The following NPC1 variants were observed in gnomAD, a reference collection of about 807,000 sequenced individuals.
NPC1 encodes the protein NPC intracellular cholesterol transporter 1, also known as Niemann-Pick C1 protein.
In NPC1, 85 loss-of-function variants were observed where a neutral mutation model predicts 140.4. That is an observed-to-expected ratio of 0.61 (90% CI 0.51 to 0.72). The LOEUF (loss-of-function observed/expected upper bound fraction) is 0.72. NPC1 is among the 30% of genes least tolerant of loss of function. The pLI, the probability that NPC1 is intolerant of heterozygous loss-of-function variation, is 0.00. For missense variants in NPC1, 1,504 were observed against 1,623.8 expected, an observed-to-expected ratio of 0.93 and a Z score of 1.27; for synonymous variants, 656 against 624.8, an observed-to-expected ratio of 1.05 and a Z score of -0.74.
At chr18:23,515,235 A>T (rs985400880) in intron 3 of NPC1, among the ~76,000 whole-genome samples, 1 of 152,168 alleles carries the variant, frequency 6.6e-6, no homozygotes, top group Non-Finnish European at 1.5e-5. Context: ...AGGCACAGAT[A>T]AGGATTTTGG....
intron 1 of NPC1, 31 bp downstream of exon 1, chr18:23,586,256 C>G: frequency 6.5e-7 from 1 of 1,531,090 alleles, no homozygotes; most frequent in Non-Finnish European, 8.7e-7. Context: ...CACGTCCCCA[C>G]AGGGCGTCCC....
chr18:23,529,730 G>A (rs753931659), downstream of NPC1: 4 of 1,600,452 alleles, frequency 2.5e-6, no homozygotes, highest in Middle Eastern at 1.7e-4. Flanking sequence ...CAAATCATCT[G>A]GGCCCAAGTT....
intron 20 of NPC1, among the ~76,000 whole-genome samples, 196 bp from the exon 21 acceptor site, chr18:23,537,072 T>C (rs2058642522): frequency 6.7e-6 from 1 of 148,950 alleles, no homozygotes; most frequent in Non-Finnish European, 1.5e-5. Context: ...ACTGGCTTCT[T>C]TTTTTTTTTA....
intron 3 of NPC1, among the ~76,000 whole-genome samples, chr18:23,515,213 C>G (rs918363018): frequency 2.6e-5 from 4 of 152,066 alleles, no homozygotes; most frequent in African/African-American, 9.7e-5. Flanking sequence ...CTCCACATGC[C>G]CAGGCATGTG....
Position 23,556,413 on chromosome 18 carries a change from T to C in NPC1, c.1156A>G (p.Ser386Gly), listed in dbSNP as rs1192824648. ...TACTCTTTTTCCAGGCGAGCCTGGCTGCTGGGGGCTGACCAGAGGTCAACT... is the reference window on the plus strand; with the variant it reads ...TACTCTTTTTCCAGGCGAGCCTGGCCGCTGGGGGCTGACCAGAGGTCAACT... ...NPVDLWSAPSSQARLEKEYFD... is the reference protein window; with the variant it reads ...NPVDLWSAPSGQARLEKEYFD... Residue 386 changes from serine to glycine, a missense_variant, in exon 8 of 25, where the codon AGC becomes GGC. By Grantham distance (56) the Ser-to-Gly change is moderately conservative (BLOSUM62 0). Coordinates refer to ENST00000269228, the MANE Select transcript of NPC1 (RefSeq NM_000271.5). 6.2e-6 allele frequency: 10 copies of C among 1,614,160 alleles called. No homozygotes were observed. The highest frequency in any genetic ancestry group is 2.7e-5 in the African/African-American group (2 of 75,048).
intron 1 of NPC1, among the ~76,000 whole-genome samples, chr18:23,582,774 C>T (rs2059371242): frequency 6.6e-6 from 1 of 150,498 alleles, no homozygotes; most frequent in Admixed American, 6.6e-5. Flanking sequence ...CACTGCGCTC[C>T]AGCCTGGGCA....
downstream of NPC1, among the ~76,000 whole-genome samples, chr18:23,521,505 G>A (rs1226823306): frequency 2.6e-5 from 4 of 151,792 alleles, no homozygotes; most frequent in East Asian, 5.8e-4. Flanking sequence ...TAAGTGCTTC[G>A]GCTGTGGCTC....
At chr18:23,543,332 GAA>G (rs34563465) in intron 14 of NPC1, 121 bp downstream of exon 14, 848 of 420,048 alleles carry the variant, frequency 2.0e-3, no homozygotes, top group South Asian at 2.2e-3. Flanking sequence ...CCGTCTCAGA[GAA>G]AAAAAAAAAA....
chr18:23,532,990 G>A (rs1175810649), intron 24 of NPC1: 24 of 970,998 alleles, frequency 2.5e-5, no homozygotes, highest in Non-Finnish European at 2.7e-5. Flanking sequence ...ATAAAAAGCT[G>A]TTCTGCAGCA....
In NPC1 at chr18:23,551,613, C is replaced by T. The variant is rs1223932647; in HGVS notation, c.1654+14G>A. 3 of 1,583,328 alleles carry T rather than the reference C, an allele frequency of 1.9e-6. No individual in the cohort carries two copies. Among genetic ancestry groups the T allele is most frequent in the East Asian group, 2.2e-5 (1 of 44,750 alleles). On this transcript the variant is annotated intron_variant, in intron 10 of 24. Transcript: ENST00000269228. ...CTTTATCTAAAAGGAAAAGTCAAAG[C>T]TTCTCTTACTTACCATCATAGCCTC...
downstream of NPC1, among the ~76,000 whole-genome samples, chr18:23,527,249 A>T (rs1287899342): frequency 6.8e-6 from 1 of 147,772 alleles, no homozygotes; most frequent in Non-Finnish European, 1.5e-5. Context: ...AAAAAAAAAA[A>T]TTAGCTGAGT....
chr18:23,586,253 C>A, intron 1 of NPC1, 34 bp downstream of exon 1: 1 of 1,530,968 alleles, frequency 6.5e-7, no homozygotes, highest in South Asian at 1.2e-5. Context: ...CGCCACGTCC[C>A]CACAGGGCGT....
intron 19 of NPC1, 92 bp from the exon 20 acceptor site, chr18:23,538,763 T>C (rs1236160704): frequency 7.4e-7 from 1 of 1,351,230 alleles, no homozygotes. Context: ...GGGGCATTAC[T>C]TTCTTCTCTA....
At chr18:23,542,259 T>C (rs2058723318) in intron 14 of NPC1, among the ~76,000 whole-genome samples, 1 of 151,326 alleles carries the variant, frequency 6.6e-6, no homozygotes, top group South Asian at 2.1e-4. Flanking sequence ...GTTTTTTCTT[T>C]TTTTTTTTTT....
chr18:23,528,358 GT>G (rs1219381111), downstream of NPC1: 1 of 156,440 alleles, frequency 6.4e-6, no homozygotes, highest in African/African-American at 2.4e-5. Context: ...CTTAGCAGGC[GT>G]GTTTGTAGTC....
downstream of NPC1, chr18:23,524,423 A>G: frequency 1.2e-6 from 2 of 1,613,852 alleles, no homozygotes; most frequent in Non-Finnish European, 1.7e-6. Context: ...TTCCTATAAC[A>G]TGTGGATTCT....
Position 23,531,907 on chromosome 18 carries a change from C to T in NPC1, c.*295G>A, listed in dbSNP as rs1351610343. ...TTGGCCTTTACAGAGTGTCAGTGAG[C>T]GGATCACATTCACAGCCATCTAGTG... On this transcript the variant is annotated 3_prime_UTR_variant, in exon 25 of 25. Transcript: ENST00000269228. The T allele has an allele frequency of 1.4e-5, 20 of 1,440,374 alleles. 1 individual carries two copies. Among genetic ancestry groups the T allele is most frequent in the South Asian group, 4.5e-5 (3 of 66,958 alleles). 89.2% of individuals were successfully genotyped at this position (1,440,374 alleles called of 1,614,324 possible). A position where few individuals can be genotyped will look rare whatever the true frequency, so the allele number is the denominator to read the frequency against.
intron 1 of NPC1, among the ~76,000 whole-genome samples, chr18:23,581,769 C>G (rs118047745): frequency 0.015 from 2,306 of 152,270 alleles, 27 homozygotes; most frequent in Middle Eastern, 0.034. Flanking sequence ...ACTATTTTCT[C>G]TAGTTTTCCT....
At chr18:23,524,436 A>G (rs2058234703), downstream of NPC1, 1 of 1,614,076 alleles carries the variant, frequency 6.2e-7, no homozygotes, top group Non-Finnish European at 8.5e-7. Context: ...TGGATTCTTC[A>G]TCTTGGATTG....
Sources: gnomAD v4.1 joint callset for allele counts (sites outside exome capture counted in the v4.1 genomes callset) on GRCh38, gnomAD v4.1.1 for gene constraint, MANE v1.5 for transcripts, NCBI Gene and HGNC (gene_info 2026-07-23, HGNC 2026-07-21) for gene names.